TRIB3: variants seen among roughly 807,000 people sequenced by gnomAD.
TRIB3 encodes the protein tribbles pseudokinase 3.
Under a neutral mutation model 16.6 loss-of-function variants are expected in TRIB3, and 20 were observed. That is an observed-to-expected ratio of 1.20 (90% CI 0.85 to 1.75). The LOEUF (loss-of-function observed/expected upper bound fraction) is 1.75. Among genes scored for constraint, TRIB3 ranks in the 40% most tolerant of loss-of-function variants. The probability of loss-of-function intolerance (pLI) is 0.00; values close to 1 mark genes in which losing one functional copy is unlikely to be tolerated. For synonymous variants in TRIB3, 208 were observed against 217.0 expected, an observed-to-expected ratio of 0.96 and a Z score of 0.36; for missense variants, 484 against 488.9, an observed-to-expected ratio of 0.99 and a Z score of 0.10.
At position 380,839 on chromosome 20, in the gene TRIB3, G is replaced by A. The variant is rs958869047; in HGVS notation, c.-331G>A. 6.7e-6 allele frequency: 1 copy of A among 149,196 alleles called. No individual in the cohort carries two copies. Among genetic ancestry groups the A allele is most frequent in the Non-Finnish European group, 1.5e-5 (1 of 66,954 alleles). 9.2% of individuals were successfully genotyped at this position (149,196 alleles called of 1,614,324 possible). A position where few individuals can be genotyped will look rare whatever the true frequency, so the allele number is the denominator to read the frequency against. On this transcript the variant is annotated 5_prime_UTR_variant, in exon 1 of 4. Coordinates refer to ENST00000217233, the MANE Select transcript of TRIB3 (RefSeq NM_021158.5). Reference sequence around the variant, plus strand: ...AGAGAGGCCCGGGCGCGGCGCGGGGGATGGTGCGATCCCGGGCCCGAGGGC... The same window carrying A: ...AGAGAGGCCCGGGCGCGGCGCGGGGAATGGTGCGATCCCGGGCCCGAGGGC...
chr20:389,288 G>T (rs1434887318), intron 2 of TRIB3, among the ~76,000 whole-genome samples: 3 of 152,126 alleles, frequency 2.0e-5, no homozygotes. Context: ...GCTGGGATTG[G>T]GCCCAGGAGG....
intron 3 of TRIB3, 85 bp downstream of exon 3, chr20:391,664 G>A (rs2014985717): frequency 1.3e-6 from 2 of 1,495,534 alleles, no homozygotes; most frequent in Non-Finnish European, 1.8e-6. Context: ...AGGAAGGCAA[G>A]GTAACTTAGG....
Position 396,387 on chromosome 20 carries a change from C to G in TRIB3, c.774C>G (p.His258Gln). Residue 258 changes from histidine to glutamine, a missense_variant, in exon 4 of 4, where the codon CAC becomes CAG. Physicochemically the swap from His to Gln is conservative, Grantham distance 24. Transcript: ENST00000217233. The stretch of plus-strand genomic sequence containing the variant: ...CGCTCTTCACCATGCTGGCCGGCCA[C>G]TACCCCTTCCAGGACTCGGAGCCTG... ...GVALFTMLAG[H>Q]YPFQDSEPVL... 6.2e-7 allele frequency: 1 copy of G among 1,613,492 alleles called. No homozygotes were observed. The highest frequency in any genetic ancestry group is 8.5e-7 in the Non-Finnish European group (1 of 1,180,040).
intron 2 of TRIB3, 70 bp downstream of exon 2, chr20:388,371 C>T: frequency 6.6e-7 from 1 of 1,515,192 alleles, no homozygotes; most frequent in South Asian, 1.3e-5. Context: ...AAAGGATTGC[C>T]AGGGTGCAGA....
chr20:391,096 G>A (rs1322872576), intron 2 of TRIB3, among the ~76,000 whole-genome samples, 191 bp from the exon 3 acceptor site: 3 of 151,030 alleles, frequency 2.0e-5, no homozygotes, highest in Non-Finnish European at 4.4e-5. Flanking sequence ...TCTCAGCTTC[G>A]TTAACCGTAA....
chr20:396,068 C>A, intron 3 of TRIB3, 130 bp from the exon 4 acceptor site: 1 of 1,367,286 alleles, frequency 7.3e-7, no homozygotes, highest in East Asian at 2.3e-5. Context: ...TCAGACATCA[C>A]AGGACTGGCT....
At chr20:387,653 T>C (rs1420148849) in intron 1 of TRIB3, among the ~76,000 whole-genome samples, 1 of 152,130 alleles carries the variant, frequency 6.6e-6, no homozygotes, top group Admixed American at 6.6e-5. Context: ...TACGCATCAG[T>C]ATATAGAGAG....
Position 391,397 on chromosome 20 carries a change from C to T in TRIB3, c.402C>T (p.Tyr134=), listed in dbSNP as rs747667767. The T allele has an allele frequency of 3.7e-6, 6 of 1,613,842 alleles. No individual in the cohort carries two copies. The highest frequency in any genetic ancestry group is 4.2e-6 in the Non-Finnish European group (5 of 1,180,010). ...TCCTGGCTGGTACCCAGCTCCTCTA[C>T]GCCTTTTTCACTCGGACCCATGGGG... is the stretch of plus-strand genomic sequence containing the variant. The part of the protein sequence containing the change: ...TEVLAGTQLL[Y]AFFTRTHGDM... Residue 134 remains tyrosine, a synonymous_variant, in exon 3 of 4, where the codon TAC becomes TAT. Coordinates refer to ENST00000217233, the MANE Select transcript of TRIB3 (RefSeq NM_021158.5).
At chr20:390,036 G>A (rs1172333557) in intron 2 of TRIB3, among the ~76,000 whole-genome samples, 2 of 152,144 alleles carry the variant, frequency 1.3e-5, no homozygotes, top group South Asian at 2.1e-4. Context: ...AGTAAAATAC[G>A]TGTCAGGTGG....
At chr20:390,334 A>G (rs899950032) in intron 2 of TRIB3, among the ~76,000 whole-genome samples, 3 of 144,170 alleles carry the variant, frequency 2.1e-5, no homozygotes, top group Non-Finnish European at 4.6e-5. Context: ...GTCTCAAAAA[A>G]ACAAAAAACA....
chr20:389,994 A>T (rs2014929028), intron 2 of TRIB3, among the ~76,000 whole-genome samples: 1 of 152,182 alleles, frequency 6.6e-6, no homozygotes, highest in Non-Finnish European at 1.5e-5. Flanking sequence ...CTGACGTTCT[A>T]GTGGGAGATA....
At chr20:393,571 C>T (rs1282395106) in intron 3 of TRIB3, among the ~76,000 whole-genome samples, 2 of 152,182 alleles carry the variant, frequency 1.3e-5, no homozygotes, top group African/African-American at 4.8e-5. Flanking sequence ...CCTGCCTCAG[C>T]CTCCCAAAAT....
intron 1 of TRIB3, among the ~76,000 whole-genome samples, chr20:384,936 C>G (rs1169878530): frequency 6.6e-6 from 1 of 152,090 alleles, no homozygotes; most frequent in Non-Finnish European, 1.5e-5. Flanking sequence ...TACAAGGATA[C>G]AAGGGAGACA....
Position 396,629 on chromosome 20 carries a change from G to A in TRIB3, c.1016G>A (p.Gly339Glu), listed in dbSNP as rs200830984. The change falls in exon 4 of 4, where the codon GGA (glycine) becomes GAA (glutamate). Residue 339 changes from glycine (G) to glutamate (E), a missense_variant. Coordinates refer to ENST00000217233, the MANE Select transcript of TRIB3 (RefSeq NM_021158.5). ...LWEAAQVVPD[G>E]LGLDEAREEE... Reference sequence around the variant, plus strand: ...GAGGCTGCCCAGGTGGTCCCTGATGGACTGGGGCTGGACGAAGCCAGGGAA... The same window carrying A: ...GAGGCTGCCCAGGTGGTCCCTGATGAACTGGGGCTGGACGAAGCCAGGGAA... The A allele has an allele frequency of 1.3e-4, 205 of 1,613,102 alleles. 1 individual carries two copies. The South Asian group carries it at 2.1e-3, about 17-fold the overall frequency.
At chr20:382,547 T>A in intron 1 of TRIB3, 1 of 1,535,708 alleles carries the variant, frequency 6.5e-7, no homozygotes, top group Non-Finnish European at 8.7e-7. Context: ...CTCCCAAGGA[T>A]GGTACTTATG....
In TRIB3 at chr20:384,036, A is replaced by G. The variant is rs7268047; in HGVS notation, c.-1+2867A>G. ...CCCTCTCCTTCACCCCTCACATCCA[A>G]TCCATCCAGTCCATCCAGTCTGCCA... On this transcript the variant is annotated intron_variant, in intron 1 of 3. Transcript: ENST00000217233. 2.6e-3 allele frequency among the ~76,000 whole-genome samples: 389 copies of G among 151,748 alleles called. 3 individuals carry two copies. Among genetic ancestry groups the G allele is most frequent in the African/African-American group, 9.1e-3 (375 of 41,374 alleles).
intron 2 of TRIB3, among the ~76,000 whole-genome samples, chr20:390,541 G>A (rs1390923177): frequency 1.3e-5 from 2 of 152,166 alleles, no homozygotes; most frequent in Non-Finnish European, 2.9e-5. Flanking sequence ...GAATGAAAGC[G>A]TGGGTGGGCA....
chr20:382,080 GGT>G (rs1221618229), intron 1 of TRIB3, among the ~76,000 whole-genome samples: 2 of 151,210 alleles, frequency 1.3e-5, no homozygotes, highest in African/African-American at 2.4e-5. Flanking sequence ...GTAGACCATG[GGT>G]GTGACAGCTG....
chr20:385,969 C>T (rs9679970), intron 1 of TRIB3, among the ~76,000 whole-genome samples: 10,380 of 151,474 alleles, frequency 0.069, 388 homozygotes, highest in Middle Eastern at 0.088. Flanking sequence ...GCAATCTTCC[C>T]ACCTCAGCCT....
Sources: allele counts gnomAD v4.1 joint callset (sites outside exome capture counted in the v4.1 genomes callset), GRCh38; gene constraint gnomAD v4.1.1; transcripts MANE v1.5; gene names NCBI Gene and HGNC (gene_info 2026-07-23, HGNC 2026-07-21).